The following GRM8 variants were observed in gnomAD, a reference collection of about 807,000 sequenced individuals.
GRM8 encodes the protein glutamate metabotropic receptor 8, also known as metabotropic glutamate receptor 8.
In GRM8, 47 loss-of-function variants were observed where a neutral mutation model predicts 87.2. That is an observed-to-expected ratio of 0.54 (90% CI 0.43 to 0.69). GRM8 has a LOEUF of 0.69. Ranked by LOEUF, GRM8 falls within the 30% of genes least tolerant of loss-of-function variation. The pLI, the probability that GRM8 is intolerant of heterozygous loss-of-function variation, is 0.00. For missense variants in GRM8, 1,019 were observed against 1,139.2 expected, an observed-to-expected ratio of 0.89 and a Z score of 1.52; for synonymous variants, 396 against 404.5, an observed-to-expected ratio of 0.98 and a Z score of 0.25.
intron 9 of GRM8, among the ~76,000 whole-genome samples, chr7:126,472,208 G>A (rs6945044): frequency 0.068 from 10,359 of 152,190 alleles, 475 homozygotes; most frequent in African/African-American, 0.13. Flanking sequence ...GCTCTGGCCA[G>A]AACTTCCAAC....
chr7:126,552,026 C>T (rs1209597149), intron 8 of GRM8, among the ~76,000 whole-genome samples: 1 of 152,066 alleles, frequency 6.6e-6, no homozygotes, highest in East Asian at 1.9e-4. Flanking sequence ...TTGTATTCAT[C>T]TTCTTTTACA....
rs192405648 is a variant in GRM8 at position 126,763,844 on chromosome 7, A to G, written c.1357+6021T>C. 1.6e-3 allele frequency among the ~76,000 whole-genome samples: 239 copies of G among 152,120 alleles called. No homozygotes were observed. The Middle Eastern group carries it at 0.017, about 11-fold the overall frequency. ...TGCCTGAATACAGATTTATTCAGAA[A>G]GAATTAATGTTTTTCCCATACTTAG... On this transcript the variant is annotated intron_variant, in intron 7 of 10. Transcript: ENST00000339582.
chr7:126,832,611 T>C (rs1038034788), intron 6 of GRM8, among the ~76,000 whole-genome samples: 1 of 152,242 alleles, frequency 6.6e-6, no homozygotes, highest in Non-Finnish European at 1.5e-5. Context: ...ATAGTCATAG[T>C]ACTAAGAAGA....
chr7:126,872,710 AC>A (rs1310554140), intron 6 of GRM8, among the ~76,000 whole-genome samples: 1 of 151,968 alleles, frequency 6.6e-6, no homozygotes, highest in East Asian at 1.9e-4. Context: ...TGCCACTGAA[AC>A]CTCAAAACCA....
chr7:127,190,799 TA>T (rs1372842684), intron 2 of GRM8, among the ~76,000 whole-genome samples: 2 of 152,226 alleles, frequency 1.3e-5, no homozygotes, highest in African/African-American at 4.8e-5. Flanking sequence ...GCTCAGACAT[TA>T]TTTTTTTAAC....
chr7:127,200,008 T>C (rs1006365148), intron 2 of GRM8, among the ~76,000 whole-genome samples: 1 of 152,182 alleles, frequency 6.6e-6, no homozygotes, highest in Non-Finnish European at 1.5e-5. Flanking sequence ...AGAAGAGAAA[T>C]AAAGCTTTGG....
Position 127,017,038 on chromosome 7 carries a change from C to T in GRM8, c.727+89458G>A, listed in dbSNP as rs114992100. Reference sequence around the variant, plus strand: ...GTGCTAACTTTCCTAAGTTTCATACCTATTAATTTCAAAAAATTTCCACTA... The same window carrying T: ...GTGCTAACTTTCCTAAGTTTCATACTTATTAATTTCAAAAAATTTCCACTA... On this transcript the variant is annotated intron_variant, in intron 3 of 10. Coordinates refer to ENST00000339582, the MANE Select transcript of GRM8 (RefSeq NM_000845.3). 3.5e-3 allele frequency among the ~76,000 whole-genome samples: 535 copies of T among 152,070 alleles called. 5 individuals are homozygous for T. The highest frequency in any genetic ancestry group is 0.013 in the African/African-American group (522 of 41,526).
At chr7:126,697,796 G>A (rs1809537123) in intron 7 of GRM8, among the ~76,000 whole-genome samples, 2 of 152,066 alleles carry the variant, frequency 1.3e-5, no homozygotes, top group African/African-American at 4.8e-5. Context: ...AACACTATTT[G>A]CTGAAAATAT....
intron 6 of GRM8, among the ~76,000 whole-genome samples, chr7:126,885,370 C>T (rs1196394776): frequency 6.6e-6 from 1 of 152,170 alleles, no homozygotes; most frequent in Non-Finnish European, 1.5e-5. Flanking sequence ...AAGAAGTATG[C>T]TTCCAACAGA....
intron 2 of GRM8, among the ~76,000 whole-genome samples, chr7:127,133,374 C>T (rs774111063): frequency 2.0e-5 from 3 of 147,776 alleles, no homozygotes; most frequent in Non-Finnish European, 4.5e-5. Flanking sequence ...GCTGAGGTCA[C>T]GCCATTGCAC....
intron 9 of GRM8, among the ~76,000 whole-genome samples, chr7:126,447,725 C>A (rs78889068): frequency 1.3e-5 from 2 of 151,902 alleles, no homozygotes; most frequent in Non-Finnish European, 2.9e-5. Flanking sequence ...CAAAACCTTG[C>A]GGTAAAGAAC....
At chr7:127,224,467 G>A (rs1797182961) in intron 2 of GRM8, among the ~76,000 whole-genome samples, 1 of 152,130 alleles carries the variant, frequency 6.6e-6, no homozygotes, top group South Asian at 2.1e-4. Context: ...ATTCTTCAGG[G>A]ATGACATTCT....
At chr7:126,789,629 GCTT>G (rs754246415) in intron 6 of GRM8, among the ~76,000 whole-genome samples, 26 of 152,120 alleles carry the variant, frequency 1.7e-4, no homozygotes, top group Non-Finnish European at 1.5e-4. Flanking sequence ...GGAGAAAGTA[GCTT>G]CTTATTTGCC....
At chr7:127,166,054 T>A (rs1240078050) in intron 2 of GRM8, among the ~76,000 whole-genome samples, 1 of 152,174 alleles carries the variant, frequency 6.6e-6, no homozygotes, top group Admixed American at 6.5e-5. Flanking sequence ...GGATGCTTTT[T>A]CGCAAGGGAA....
At chr7:126,815,642 T>C (rs533764191) in intron 6 of GRM8, among the ~76,000 whole-genome samples, 10 of 152,302 alleles carry the variant, frequency 6.6e-5, no homozygotes, top group African/African-American at 2.4e-4. Flanking sequence ...ATGAAAAAGC[T>C]ACCTAAATCT....
intron 2 of GRM8, among the ~76,000 whole-genome samples, chr7:127,221,886 G>C (rs996016627): frequency 6.6e-5 from 10 of 152,096 alleles, no homozygotes; most frequent in Admixed American, 5.9e-4. Context: ...GAAGCACCAA[G>C]TCCCTCCCTC....
At chr7:126,990,616 G>A (rs144232954) in intron 3 of GRM8, among the ~76,000 whole-genome samples, 3 of 152,198 alleles carry the variant, frequency 2.0e-5, no homozygotes, top group Non-Finnish European at 4.4e-5. Flanking sequence ...CAATGGAGAT[G>A]CTACTTAAGA....
intron 3 of GRM8, among the ~76,000 whole-genome samples, chr7:127,051,739 CAAAAAA>C (rs59713382): frequency 1.4e-4 from 8 of 58,476 alleles, no homozygotes; most frequent in South Asian, 8.3e-4. Context: ...TAATGTTGAG[CAAAAAA>C]AAAAAAAAAA....
intron 7 of GRM8, among the ~76,000 whole-genome samples, chr7:126,615,973 G>C (rs1276952838): frequency 6.6e-6 from 1 of 152,084 alleles, no homozygotes; most frequent in African/African-American, 2.4e-5. Flanking sequence ...CAACGAGACA[G>C]AAAGTTAACA....
Sources: gnomAD v4.1 joint callset for allele counts (sites outside exome capture counted in the v4.1 genomes callset) on GRCh38, gnomAD v4.1.1 for gene constraint, MANE v1.5 for transcripts, NCBI Gene and HGNC (gene_info 2026-07-23, HGNC 2026-07-21) for gene names.